ITM2C: variants seen among roughly 807,000 people sequenced by gnomAD.
ITM2C encodes integral membrane protein 2C.
In ITM2C, 20 loss-of-function variants were observed where a neutral mutation model predicts 30.0. The ratio of observed to expected loss-of-function variants is 0.67; its 90% CI spans 0.47 to 0.97. The LOEUF is 0.97. Ranked by LOEUF, ITM2C falls within the 50% of genes least tolerant of loss-of-function variation. The pLI, the probability that ITM2C is intolerant of heterozygous loss-of-function variation, is 0.00. For missense variants in ITM2C, 366 were observed against 371.9 expected, an observed-to-expected ratio of 0.98 and a Z score of 0.13; for synonymous variants, 167 against 156.4, an observed-to-expected ratio of 1.07 and a Z score of -0.51.
At position 230,877,715 on chromosome 2, in the gene ITM2C, C is replaced by T. The variant is rs1024202177; in HGVS notation, c.712+165C>T. Among the ~76,000 whole-genome samples, 1 of 152,202 alleles carries T rather than the reference C, an allele frequency of 6.6e-6. No individual in the cohort carries two copies. Among genetic ancestry groups the T allele is most frequent in the African/African-American group, 2.4e-5 (1 of 41,446 alleles). On this transcript the variant is annotated intron_variant, in intron 5 of 5. Coordinates refer to ENST00000326427, the MANE Select transcript of ITM2C (RefSeq NM_030926.6). This position sits in a 1 kb window ranked among gnomAD's most constrained non-coding sequence, Gnocchi z 4.8. ...GGCAATGCTGTGTGCTCTTTATGAC[C>T]TCTTAAGAGTGTAAGTCATTCTCAT... is the stretch of plus-strand genomic sequence containing the variant.
intron 2 of ITM2C, among the ~76,000 whole-genome samples, chr2:230,874,157 G>A (rs887435885): frequency 7.2e-5 from 11 of 152,152 alleles, no homozygotes; most frequent in African/African-American, 2.4e-4. Flanking sequence ...ATAAACCTAC[G>A]TACAACTCAC....
chr2:230,869,457 G>A (rs956736989), intron 1 of ITM2C, among the ~76,000 whole-genome samples: 9 of 152,154 alleles, frequency 5.9e-5, no homozygotes, highest in Admixed American at 3.3e-4. Context: ...ACACACACTC[G>A]GTGGGTGCCC....
intron 3 of ITM2C, 30 bp downstream of exon 3, chr2:230,875,838 G>T (rs202053320): frequency 1.9e-5 from 7 of 376,132 alleles, no homozygotes; most frequent in Admixed American, 3.3e-5. Flanking sequence ...GGGGGTGGGG[G>T]GTGGGAGGGT....
Position 230,873,453 on chromosome 2 carries a change from G to A in ITM2C, c.157G>A (p.Gly53Ser), listed in dbSNP as rs2289235. 782,310 of 1,603,058 alleles carry A rather than the reference G, an allele frequency of 0.49. 197,009 individuals are homozygous for A. The highest frequency in any genetic ancestry group is 0.79 in the East Asian group (34,687 of 43,946). ...CCCACAACATCGATCCAAGAGGGGG[G>A]GCTCAGTGGGCGGCGTGTGCTACCT... ...QPPQHRSKRG[G>S]SVGGVCYLSM... Residue 53 changes from glycine to serine, a missense_variant, in exon 2 of 6, where the codon GGC becomes AGC. Gly to Ser is a moderately conservative substitution (Grantham distance 56). Transcript: ENST00000326427.
chr2:230,873,313 A>G lies in ITM2C; in HGVS notation c.121-104A>G, dbSNP rs1048460718. 1.2e-5 allele frequency: 14 copies of G among 1,195,502 alleles called. No individual in the cohort carries two copies. In the African/African-American group the frequency reaches 2.0e-4, roughly 17 times the overall value. 74.1% of individuals were successfully genotyped at this position (1,195,502 alleles called of 1,614,324 possible). ...CATCTCCTTCCCTCCCTTTCCCCCA[A>G]GACTCCCTCCGGGCCCAGCCAGCAG... On this transcript the variant is annotated intron_variant, in intron 1 of 5. Coordinates refer to ENST00000326427, the MANE Select transcript of ITM2C (RefSeq NM_030926.6).
intron 1 of ITM2C, among the ~76,000 whole-genome samples, chr2:230,871,877 C>T (rs1559156237): frequency 6.6e-6 from 1 of 152,260 alleles, no homozygotes; most frequent in South Asian, 2.1e-4. Flanking sequence ...GCCCCACACT[C>T]CCCTGTGCTC....
chr2:230,865,600 G>C lies in ITM2C; in HGVS notation c.120+455G>C, dbSNP rs926881433. 7.1e-6 allele frequency: 1 copy of C among 140,572 alleles called. No homozygotes were observed. Among genetic ancestry groups the C allele is most frequent in the African/African-American group, 2.6e-5 (1 of 38,876 alleles). The allele number at this position is 140,572 out of a possible 1,614,324, so 8.7% of individuals were successfully genotyped here. A position where few individuals can be genotyped will look rare whatever the true frequency, so the allele number is the denominator to read the frequency against. On this transcript the variant is annotated intron_variant, in intron 1 of 5. Transcript: ENST00000326427. The surrounding 1 kb of genome is among the most constrained non-coding windows in gnomAD (Gnocchi z 6.8). ...AAAGTAGGGCGGTGGGACCTGATTG[G>C]CTGGGGAATTGGGGGTGGGGGGGTC... is the stretch of plus-strand genomic sequence containing the variant.
At chr2:230,876,245 A>G (rs545347415) in intron 3 of ITM2C, among the ~76,000 whole-genome samples, 1 of 152,194 alleles carries the variant, frequency 6.6e-6, no homozygotes, top group Non-Finnish European at 1.5e-5. Flanking sequence ...CACAGCTGGG[A>G]TGTTACCATG....
Position 230,877,257 on chromosome 2 carries a change from G to A in ITM2C, c.562-143G>A, listed in dbSNP as rs573808319. ...TCCTGGCAGCACAGGTGCAGGCACC[G>A]GGCACAGGCAGGAAGTGCCTGAGGA... On this transcript the variant is annotated intron_variant, in intron 4 of 5. Transcript: ENST00000326427. The surrounding 1 kb of genome is among the most constrained non-coding windows in gnomAD (Gnocchi z 4.8). The A allele has an allele frequency of 3.9e-5, 31 of 794,556 alleles. No individual in the cohort carries two copies. The highest frequency in any genetic ancestry group is 1.6e-4 in the South Asian group (9 of 57,056). The allele number at this position is 794,556 out of a possible 1,614,324, so 49.2% of individuals were successfully genotyped here.
At chr2:230,871,734 G>C (rs1224516707) in intron 1 of ITM2C, among the ~76,000 whole-genome samples, 1 of 152,252 alleles carries the variant, frequency 6.6e-6, no homozygotes, top group African/African-American at 2.4e-5. Flanking sequence ...ACAGGCAGGG[G>C]CACCCCATGG....
chr2:230,878,218 ATG>A lies in ITM2C; in HGVS notation c.*121_*122del, dbSNP rs1044435005. ...TTGGACGCGTTTCTATAGAGGTGAC[ATG>A]TCTCTCCATTCCTCTCCAACCCTGC... On this transcript the variant is annotated 3_prime_UTR_variant, in exon 6 of 6. Coordinates refer to ENST00000326427, the MANE Select transcript of ITM2C (RefSeq NM_030926.6). The surrounding 1 kb of genome is among the most constrained non-coding windows in gnomAD (Gnocchi z 4.5). 2.9e-4 allele frequency: 180 copies of A among 613,432 alleles called. 1 individual carries two copies. In the Middle Eastern group the frequency reaches 3.1e-3, roughly 10 times the overall value. 38.0% of individuals were successfully genotyped at this position (613,432 alleles called of 1,614,324 possible).
chr2:230,874,835 C>T (rs2125022768), intron 2 of ITM2C, among the ~76,000 whole-genome samples: 1 of 152,296 alleles, frequency 6.6e-6, no homozygotes, highest in Middle Eastern at 3.4e-3. Context: ...CCCGGCCATT[C>T]AGTTGATGGG....
chr2:230,868,788 C>A (rs1553537131), intron 1 of ITM2C, among the ~76,000 whole-genome samples: 2 of 152,212 alleles, frequency 1.3e-5, no homozygotes, highest in Non-Finnish European at 2.9e-5. Context: ...AGCCCTACCC[C>A]AGTGTCCTGA....
intron 1 of ITM2C, 142 bp from the exon 2 acceptor site, chr2:230,873,275 C>T (rs1049570494): frequency 2.7e-6 from 2 of 753,498 alleles, no homozygotes. Flanking sequence ...GCCTTCCTTT[C>T]CCTTCTAGGT....
In ITM2C at chr2:230,865,970, T is replaced by G. The variant is rs1347172541; in HGVS notation, c.120+825T>G. On this transcript the variant is annotated intron_variant, in intron 1 of 5. Coordinates refer to ENST00000326427, the MANE Select transcript of ITM2C (RefSeq NM_030926.6). The surrounding 1 kb of genome is among the most constrained non-coding windows in gnomAD (Gnocchi z 6.8). ...CTCTGTGCGCGTTCCCCCACCCCTG[T>G]CATCCCCCTCCCCTACCCCGGCTTC... 6.6e-6 allele frequency among the ~76,000 whole-genome samples: 1 copy of G among 151,756 alleles called. No homozygotes were observed. The highest frequency in any genetic ancestry group is 1.5e-5 in the Non-Finnish European group (1 of 67,948).
chr2:230,864,924 G>T (rs1238450862), upstream of ITM2C: 3 of 1,247,328 alleles, frequency 2.4e-6, no homozygotes, highest in Non-Finnish European at 3.1e-6. This position sits in a 1 kb window ranked among gnomAD's most constrained non-coding sequence, Gnocchi z 4.3. Flanking sequence ...GGACGCGAGC[G>T]GGATCCAAAC....
At chr2:230,873,993 C>T (rs1697230318) in intron 2 of ITM2C, among the ~76,000 whole-genome samples, 1 of 152,210 alleles carries the variant, frequency 6.6e-6, no homozygotes, top group Non-Finnish European at 1.5e-5. Flanking sequence ...TACAGAGAGT[C>T]TCCACCACCT....
chr2:230,873,083 G>A (rs4972973), intron 1 of ITM2C: 107,741 of 233,632 alleles, frequency 0.46, 27,074 homozygotes, highest in East Asian at 0.77. Flanking sequence ...CACGGTCACG[G>A]CTGGTATAAG....
chr2:230,877,590 G>A lies in ITM2C; in HGVS notation c.712+40G>A. On this transcript the variant is annotated intron_variant, in intron 5 of 5. Transcript: ENST00000326427. This position sits in a 1 kb window ranked among gnomAD's most constrained non-coding sequence, Gnocchi z 4.8. Reference sequence around the variant, plus strand: ...TCACCCACAGTAGCCCCTGTCCCGTGCCCCAGACCACAGTTATCTTCACGC... The same window carrying A: ...TCACCCACAGTAGCCCCTGTCCCGTACCCCAGACCACAGTTATCTTCACGC... 2 of 1,608,012 alleles carry A rather than the reference G, an allele frequency of 1.2e-6. No homozygotes were observed. The highest frequency in any genetic ancestry group is 1.7e-6 in the Non-Finnish European group (2 of 1,177,412).
Sources: gnomAD v4.1 joint callset for allele counts (sites outside exome capture counted in the v4.1 genomes callset) on GRCh38, gnomAD v4.1.1 for gene constraint, Gnocchi (gnomAD v3.1) non-coding constraint, MANE v1.5 for transcripts, NCBI Gene and HGNC (gene_info 2026-07-23, HGNC 2026-07-21) for gene names.